The following TLL1 variants were observed in gnomAD, a reference collection of about 807,000 sequenced individuals.
TLL1 encodes the protein tolloid like 1, also known as tolloid-like protein 1.
A neutral mutation model predicts 128.2 loss-of-function variants in TLL1; 49 were observed. The ratio of observed to expected loss-of-function variants is 0.38; its 90% CI spans 0.30 to 0.48. TLL1 has a LOEUF of 0.48. Among genes scored for constraint, TLL1 ranks in the 20% least tolerant of loss-of-function variants. The pLI, the probability that TLL1 is intolerant of heterozygous loss-of-function variation, is 0.96. For synonymous variants in TLL1, 454 were observed against 418.8 expected (o/e 1.08, Z -1.03); for missense variants, 1,123 against 1,242.0 (o/e 0.90, Z 1.44).
chr4:165,963,214 G>A (rs1735204593), intron 1 of TLL1, among the ~76,000 whole-genome samples: 1 of 151,956 alleles, frequency 6.6e-6, no homozygotes, highest in Admixed American at 6.6e-5. Flanking sequence ...TATCTATTGG[G>A]TACTATGCCA....
chr4:166,001,995 T>G (rs76428450), intron 5 of TLL1, among the ~76,000 whole-genome samples: 1,965 of 152,228 alleles, frequency 0.013, 42 homozygotes, highest in African/African-American at 0.045. Flanking sequence ...ATTATACTAC[T>G]CCCAGTTGTT....
intron 6 of TLL1, among the ~76,000 whole-genome samples, chr4:166,004,412 T>G (rs1220174443): frequency 6.6e-6 from 1 of 152,130 alleles, no homozygotes; most frequent in Non-Finnish European, 1.5e-5. Context: ...ATGCCGATTA[T>G]TTATTGAGCC....
intron 18 of TLL1, among the ~76,000 whole-genome samples, chr4:166,080,966 G>T (rs575808066): frequency 6.6e-6 from 1 of 152,138 alleles, no homozygotes; most frequent in South Asian, 2.1e-4. Context: ...GGTGGTGAAG[G>T]CGAGGGGTTC....
At chr4:165,949,722 A>T (rs1302860558) in intron 1 of TLL1, among the ~76,000 whole-genome samples, 1 of 152,072 alleles carries the variant, frequency 6.6e-6, no homozygotes, top group African/African-American at 2.4e-5. Flanking sequence ...CATGGTACTT[A>T]TTCACTACCA....
intron 1 of TLL1, among the ~76,000 whole-genome samples, chr4:165,904,215 T>C (rs2110858864): frequency 6.6e-6 from 1 of 152,296 alleles, no homozygotes; most frequent in Non-Finnish European, 1.5e-5. Context: ...AATACAATCT[T>C]ATATTGATTA....
At chr4:166,044,514 CA>C (rs564373685) in intron 12 of TLL1, 13 of 1,158,482 alleles carry the variant, frequency 1.1e-5, no homozygotes, top group East Asian at 2.6e-5. Flanking sequence ...CTTTTGTTAC[CA>C]AAAAAATATA....
chr4:165,984,489 C>CT, intron 1 of TLL1, among the ~76,000 whole-genome samples: 1 of 152,002 alleles, frequency 6.6e-6, no homozygotes, highest in Middle Eastern at 3.4e-3. Flanking sequence ...TTGCCTTTGT[C>CT]TGAGAAAATT....
chr4:166,078,141 C>T lies in TLL1; in HGVS notation c.2442+111C>T, dbSNP rs1310199036. ...TCTAATTGAATCGAATCGTAGGCAG[C>T]TGGAAAAGATTTTTTGTCTCATGCT... is the stretch of plus-strand genomic sequence containing the variant. On this transcript the variant is annotated intron_variant, in intron 18 of 20. Coordinates refer to ENST00000061240, the MANE Select transcript of TLL1 (RefSeq NM_012464.5). The T allele has an allele frequency of 3.9e-6, 6 of 1,521,890 alleles. No individual in the cohort carries two copies. In the African/African-American group the frequency reaches 5.5e-5, roughly 14 times the overall value. The allele number at this position is 1,521,890 out of a possible 1,614,324, so 94.3% of individuals were successfully genotyped here. A position where few individuals can be genotyped will look rare whatever the true frequency, so the allele number is the denominator to read the frequency against.
intron 10 of TLL1, among the ~76,000 whole-genome samples, chr4:166,040,475 C>T (rs1422808744): frequency 6.6e-6 from 1 of 152,106 alleles, no homozygotes; most frequent in Non-Finnish European, 1.5e-5. Flanking sequence ...AAATTCTGAA[C>T]GACACTTCTT....
At chr4:165,995,847 A>G (rs1736849924) in intron 5 of TLL1, among the ~76,000 whole-genome samples, 1 of 152,184 alleles carries the variant, frequency 6.6e-6, no homozygotes, top group Non-Finnish European at 1.5e-5. Flanking sequence ...ATCTATTCAG[A>G]TCAGTACATC....
At chr4:165,898,427 T>C (rs1731792635) in intron 1 of TLL1, among the ~76,000 whole-genome samples, 2 of 152,074 alleles carry the variant, frequency 1.3e-5, no homozygotes, top group African/African-American at 2.4e-5. Flanking sequence ...TTATTGAGAG[T>C]TTTTAGCATG....
chr4:165,903,437 G>C (rs533196513), intron 1 of TLL1, among the ~76,000 whole-genome samples: 4 of 144,770 alleles, frequency 2.8e-5, no homozygotes, highest in Admixed American at 2.7e-4. Flanking sequence ...TTTTGAGACG[G>C]AGTCTCACTC....
At chr4:166,006,078 GA>G (rs112174295) in intron 6 of TLL1, among the ~76,000 whole-genome samples, 2,034 of 151,840 alleles carry the variant, frequency 0.013, 41 homozygotes, top group African/African-American at 0.047. Context: ...CTGTCACTCA[GA>G]AACTTAAGAT....
In TLL1 at chr4:165,896,485, T is replaced by C. The variant is rs550296322; in HGVS notation, c.169+22412T>C. On this transcript the variant is annotated intron_variant, in intron 1 of 20. Coordinates refer to ENST00000061240, the MANE Select transcript of TLL1 (RefSeq NM_012464.5). ...GCTGGGTCAAATGGTATTTCTTTTT[T>C]TTTTTTTTTTTTTTTCAGACCGAGT... Among the ~76,000 whole-genome samples the C allele has an allele frequency of 1.4e-3, 211 of 148,112 alleles. 1 individual carries two copies. The highest frequency in any genetic ancestry group is 5.1e-3 in the African/African-American group (203 of 40,184).
intron 1 of TLL1, among the ~76,000 whole-genome samples, chr4:165,935,769 A>G (rs1467324425): frequency 6.6e-6 from 1 of 152,206 alleles, no homozygotes; most frequent in Non-Finnish European, 1.5e-5. Context: ...TTTAATCTAC[A>G]GGTTCTTCTT....
chr4:165,895,016 T>A lies in TLL1; in HGVS notation c.169+20943T>A, dbSNP rs147911919. ...CATCATTCAGTATAACTTACCACAT[T>A]TACATGTTTTATATGTAATCTATTA... On this transcript the variant is annotated intron_variant, in intron 1 of 20. Transcript: ENST00000061240. Among the ~76,000 whole-genome samples the A allele has an allele frequency of 4.2e-3, 644 of 152,158 alleles. 5 individuals carry two copies. Among genetic ancestry groups the A allele is most frequent in the African/African-American group, 0.014 (594 of 41,516 alleles).
In TLL1 at chr4:165,977,171, A is replaced by G. The variant is rs74706147; in HGVS notation, c.170-12210A>G. Among the ~76,000 whole-genome samples, 1,194 of 152,160 alleles carry G rather than the reference A, an allele frequency of 7.8e-3. 16 individuals are homozygous for G. Among genetic ancestry groups the G allele is most frequent in the African/African-American group, 0.027 (1,105 of 41,542 alleles). On this transcript the variant is annotated intron_variant, in intron 1 of 20. Coordinates refer to ENST00000061240, the MANE Select transcript of TLL1 (RefSeq NM_012464.5). ...GGCTCTGTGTCCCCACCCAAATCTCATCTTGAATTGTAATCTCCACAATCT... is the reference window on the plus strand; with the variant it reads ...GGCTCTGTGTCCCCACCCAAATCTCGTCTTGAATTGTAATCTCCACAATCT...
At chr4:165,988,858 A>G (rs147705955) in intron 1 of TLL1, among the ~76,000 whole-genome samples, 169 of 152,252 alleles carry the variant, frequency 1.1e-3, no homozygotes, top group African/African-American at 3.8e-3. Flanking sequence ...AAAGTGTATT[A>G]TAAATTGTAT....
chr4:165,908,801 GT>G (rs1423019821), intron 1 of TLL1, among the ~76,000 whole-genome samples: 13 of 152,156 alleles, frequency 8.5e-5, no homozygotes, highest in Non-Finnish European at 5.9e-5. Flanking sequence ...GCCAGGCATG[GT>G]TGTGGCACAG....
Sources: allele counts gnomAD v4.1 joint callset (sites outside exome capture counted in the v4.1 genomes callset), GRCh38; gene constraint gnomAD v4.1.1; transcripts MANE v1.5; gene names NCBI Gene and HGNC (gene_info 2026-07-23, HGNC 2026-07-21).